Variants in KCNMA1 observed in about 807,000 individuals in gnomAD.
KCNMA1 encodes the protein Calcium-activated potassium channel subunit alpha-1.
KCNMA1 carries 29 observed loss-of-function variants against 140.0 expected under a neutral mutation model. That is an observed-to-expected ratio of 0.21 (90% confidence interval 0.15 to 0.28). KCNMA1 has a LOEUF of 0.28. Ranked by LOEUF, KCNMA1 falls within the 10% of genes least tolerant of loss-of-function variation. The pLI is 1.00. For missense variants in KCNMA1, 880 were observed against 1,602.2 expected (o/e 0.55, Z 7.70); for synonymous variants, 612 against 611.9 (o/e 1.00, Z 0.00).
intron 1 of KCNMA1, among the ~76,000 whole-genome samples, chr10:77,504,180 C>T (rs145763310): frequency 2.0e-4 from 30 of 152,330 alleles, no homozygotes; most frequent in African/African-American, 7.2e-4. Context: ...ACTCACTATA[C>T]AATTTATTCC....
intron 2 of KCNMA1, among the ~76,000 whole-genome samples, chr10:77,378,315 G>A (rs1378281679): frequency 1.3e-5 from 2 of 152,168 alleles, no homozygotes; most frequent in East Asian, 1.9e-4. Flanking sequence ...CACTTCCGTC[G>A]CAAAAGTGTC....
At chr10:77,329,221 T>C (rs897952934) in intron 2 of KCNMA1, among the ~76,000 whole-genome samples, 1 of 152,230 alleles carries the variant, frequency 6.6e-6, no homozygotes, top group African/African-American at 2.4e-5. Flanking sequence ...CCCTTCATAA[T>C]GCATACCAGA....
chr10:77,560,701 C>G lies in KCNMA1; in HGVS notation c.378+76564G>C, dbSNP rs563000427. ...TTCCCCAGCAGAGTAACCCTTAGCACTAGATCTCCTGAGGCTGACCAGGAG... is the reference window on the plus strand; with the variant it reads ...TTCCCCAGCAGAGTAACCCTTAGCAGTAGATCTCCTGAGGCTGACCAGGAG... On this transcript the variant is annotated intron_variant, in intron 1 of 27. Coordinates refer to ENST00000286628, the MANE Select transcript of KCNMA1 (RefSeq NM_001161352.2). Among the ~76,000 whole-genome samples, 160 of 152,338 alleles carry G rather than the reference C, an allele frequency of 1.1e-3. 7 individuals are homozygous for G. In the South Asian group the frequency reaches 0.033, roughly 31 times the overall value.
chr10:77,590,605 C>T (rs1231133850), intron 1 of KCNMA1, among the ~76,000 whole-genome samples: 3 of 152,216 alleles, frequency 2.0e-5, no homozygotes, highest in Non-Finnish European at 2.9e-5. Flanking sequence ...GGAGCCGGCT[C>T]CGGCCTTGGC....
chr10:77,561,935 G>C (rs575642196), intron 1 of KCNMA1, among the ~76,000 whole-genome samples: 1 of 152,124 alleles, frequency 6.6e-6, no homozygotes, highest in Non-Finnish European at 1.5e-5. Context: ...TGCATGTTTC[G>C]GGGCTGGAAA....
At chr10:77,364,560 C>G (rs1361752598) in intron 2 of KCNMA1, among the ~76,000 whole-genome samples, 1 of 152,176 alleles carries the variant, frequency 6.6e-6, no homozygotes, top group Admixed American at 6.5e-5. Context: ...AGTAACATCA[C>G]CATTTTTAAA....
At chr10:77,621,658 G>A (rs1319338436) in intron 1 of KCNMA1, among the ~76,000 whole-genome samples, 1 of 152,206 alleles carries the variant, frequency 6.6e-6, no homozygotes, top group African/African-American at 2.4e-5. Flanking sequence ...GCTGGGCACA[G>A]TGGCTCACGC....
intron 2 of KCNMA1, among the ~76,000 whole-genome samples, chr10:77,270,238 C>T (rs2064628926): frequency 6.6e-6 from 1 of 152,154 alleles, no homozygotes; most frequent in African/African-American, 2.4e-5. Context: ...CAACTAAATC[C>T]ACACCATTTT....
intron 1 of KCNMA1, among the ~76,000 whole-genome samples, chr10:77,475,438 C>T (rs42311): frequency 0.62 from 94,734 of 152,066 alleles, 29,758 homozygotes; most frequent in East Asian, 0.82. Context: ...GGGGAGAAAT[C>T]GTAACTTGCA....
chr10:77,172,503 C>T (rs913666002), intron 5 of KCNMA1, among the ~76,000 whole-genome samples: 2 of 152,084 alleles, frequency 1.3e-5, no homozygotes, highest in Admixed American at 1.3e-4. Context: ...TTAGCTATAG[C>T]AGCGACCGGA....
intron 2 of KCNMA1, among the ~76,000 whole-genome samples, chr10:77,362,336 ACCCCCTAT>A (rs1191766456): frequency 2.2e-5 from 1 of 46,052 alleles, no homozygotes; most frequent in Non-Finnish European, 4.5e-5. Flanking sequence ...ACCAGCCCCC[ACCCCCTAT>A]CCCCCCCCAC....
At chr10:77,292,905 T>C (rs1032089934) in intron 2 of KCNMA1, among the ~76,000 whole-genome samples, 1 of 152,154 alleles carries the variant, frequency 6.6e-6, no homozygotes, top group Non-Finnish European at 1.5e-5. Flanking sequence ...CTGATCATGT[T>C]AGGATTATGA....
intron 15 of KCNMA1, among the ~76,000 whole-genome samples, chr10:77,038,934 C>T (rs771579878): frequency 1.3e-5 from 2 of 152,088 alleles, no homozygotes; most frequent in East Asian, 1.9e-4. Flanking sequence ...GTGGCCATGG[C>T]GGGTGGCTTT....
At chr10:76,902,940 C>T (rs1448977354) in intron 25 of KCNMA1, 5 of 152,204 alleles carry the variant, frequency 3.3e-5, no homozygotes. Context: ...TTAGACAATT[C>T]CCTCTCCGGG....
At position 76,891,701 on chromosome 10, in the gene KCNMA1, T is replaced by C. The variant is rs1005340112; in HGVS notation, c.3166A>G (p.Ile1056Val). The change falls in exon 26 of 28, where the codon ATC becomes GTC. Residue 1056 changes from isoleucine (I) to valine (V), a missense_variant. Physicochemically the swap from Ile to Val is conservative, Grantham distance 29. Transcript: ENST00000286628. ...LMSATYFNDN[I>V]LTLIRTLVTG... ...ACCAGGGTCCGTATCAGGGTGAGGATATTGTCATTGAAGTACGTCTGGGGA... is the reference window on the plus strand; with the variant it reads ...ACCAGGGTCCGTATCAGGGTGAGGACATTGTCATTGAAGTACGTCTGGGGA... 1 of 1,613,816 alleles carries C rather than the reference T, an allele frequency of 6.2e-7. No individual in the cohort carries two copies. The highest frequency in any genetic ancestry group is 8.5e-7 in the Non-Finnish European group (1 of 1,179,966).
rs1000808541 is a variant in KCNMA1 at position 76,889,660 on chromosome 10, T to C, written c.3343-91A>G. On this transcript the variant is annotated intron_variant, in intron 26 of 27. Coordinates refer to ENST00000286628, the MANE Select transcript of KCNMA1 (RefSeq NM_001161352.2). ...GGGAAACGGGTCTTTTCATCAAAGC[T>C]TGTTTTGGTGTCTCCCAAGTTGGAG... is the stretch of plus-strand genomic sequence containing the variant. 6 of 1,050,530 alleles carry C rather than the reference T, an allele frequency of 5.7e-6. No homozygotes were observed. In the African/African-American group the frequency reaches 9.4e-5, roughly 16 times the overall value. 65.1% of individuals were successfully genotyped at this position (1,050,530 alleles called of 1,614,324 possible).
intron 5 of KCNMA1, among the ~76,000 whole-genome samples, chr10:77,124,824 G>A (rs138732729): frequency 5.6e-4 from 86 of 152,258 alleles, no homozygotes; most frequent in Admixed American, 1.8e-3. Flanking sequence ...GTATTAGTCC[G>A]TTCTCACTCT....
At chr10:76,917,328 G>A (rs889572045) in intron 23 of KCNMA1, among the ~76,000 whole-genome samples, 6 of 152,088 alleles carry the variant, frequency 3.9e-5, no homozygotes, top group Non-Finnish European at 5.9e-5. Context: ...GGGTTTGTAC[G>A]TCAAGGAATA....
At chr10:77,292,036 G>A (rs1174797530) in intron 2 of KCNMA1, among the ~76,000 whole-genome samples, 2 of 152,170 alleles carry the variant, frequency 1.3e-5, no homozygotes, top group Non-Finnish European at 2.9e-5. Context: ...GTTTAAAATT[G>A]TCTTCAAAGG....
Sources: allele counts gnomAD v4.1 joint callset (sites outside exome capture counted in the v4.1 genomes callset), GRCh38; gene constraint gnomAD v4.1.1; transcripts MANE v1.5; gene names NCBI Gene and HGNC (gene_info 2026-07-23, HGNC 2026-07-21).